The following APP variants were observed in gnomAD, a reference collection of about 807,000 sequenced individuals.
APP encodes the protein amyloid beta precursor protein.
A neutral mutation model predicts 101.4 loss-of-function variants in APP; 31 were observed. The ratio of observed to expected loss-of-function variants is 0.31; its 90% CI spans 0.23 to 0.41. The LOEUF is 0.41. Ranked by LOEUF, APP falls within the 10% of genes least tolerant of loss-of-function variation. The pLI is 1.00. For missense variants in APP, 839 were observed against 1,003.7 expected (o/e 0.84, Z 2.22); for synonymous variants, 366 against 364.4 (o/e 1.00, Z -0.05).
chr21:26,057,086 T>C (rs1180762629), intron 3 of APP, among the ~76,000 whole-genome samples: 2 of 152,232 alleles, frequency 1.3e-5, no homozygotes, highest in East Asian at 1.9e-4. Context: ...CTGTACTTTC[T>C]ACTCAAACTT....
intron 6 of APP, among the ~76,000 whole-genome samples, chr21:26,020,451 TA>T (rs1381428324): frequency 1.3e-5 from 2 of 152,048 alleles, no homozygotes; most frequent in East Asian, 3.9e-4. Context: ...CTTAATAAGG[TA>T]AAAAATGCAA....
intron 13 of APP, among the ~76,000 whole-genome samples, chr21:25,917,803 G>T (rs537559021): frequency 1.3e-5 from 2 of 151,398 alleles, no homozygotes; most frequent in African/African-American, 4.8e-5. Context: ...GAATCTACAA[G>T]GAACTTAAAC....
At chr21:26,034,941 A>G (rs920874517) in intron 5 of APP, among the ~76,000 whole-genome samples, 2 of 152,130 alleles carry the variant, frequency 1.3e-5, no homozygotes, top group African/African-American at 4.8e-5. Context: ...GAATGGAAGT[A>G]AATAGGCTGC....
chr21:26,037,942 A>G (rs2146850678), intron 5 of APP, among the ~76,000 whole-genome samples: 1 of 152,350 alleles, frequency 6.6e-6, no homozygotes, highest in East Asian at 1.9e-4. Context: ...AGTTTAAGAT[A>G]CAATATTTCT....
At position 25,938,907 on chromosome 21, in the gene APP, A is replaced by C. The variant is rs185319126; in HGVS notation, c.1687+15683T>G. Among the ~76,000 whole-genome samples, 48 of 152,280 alleles carry C rather than the reference A, an allele frequency of 3.2e-4. No individual in the cohort carries two copies. In the East Asian group the frequency reaches 9.3e-3, roughly 29 times the overall value. ...TCCGAAGCCTCAAGCCCACATTAAC[A>C]AGGCCTTAGACGACAGTAAACACCC... On this transcript the variant is annotated intron_variant, in intron 13 of 17. Transcript: ENST00000346798.
In APP at chr21:26,059,089, A is replaced by T. The variant is rs150715344; in HGVS notation, c.356-5741T>A. 2.6e-3 allele frequency among the ~76,000 whole-genome samples: 393 copies of T among 152,216 alleles called. 7 individuals carry two copies. In the East Asian group the frequency reaches 0.044, roughly 17 times the overall value. On this transcript the variant is annotated intron_variant, in intron 3 of 17. Transcript: ENST00000346798. ...GAGCGAGACTCCGTCTCAAAAAAAA[A>T]AATAATAATAAAGACATTAAAATAA...
intron 3 of APP, among the ~76,000 whole-genome samples, chr21:26,084,778 T>C (rs1299112279): frequency 6.6e-6 from 1 of 151,460 alleles, no homozygotes; most frequent in African/African-American, 2.5e-5. Context: ...TTGAAGATCG[T>C]ATGAATGAAC....
chr21:26,147,619 T>G (rs1409028747), intron 1 of APP, among the ~76,000 whole-genome samples: 1 of 152,192 alleles, frequency 6.6e-6, no homozygotes, highest in Non-Finnish European at 1.5e-5. Context: ...AAAAAAAATC[T>G]TTTAAATGGC....
chr21:26,023,295 TGAG>T (rs1476268000), intron 5 of APP, among the ~76,000 whole-genome samples: 3 of 149,202 alleles, frequency 2.0e-5, no homozygotes, highest in Non-Finnish European at 4.4e-5. Flanking sequence ...TGTGGAAGGC[TGAG>T]GTGGGAAAAA....
chr21:25,945,380 C>CCT (rs1555900932), intron 13 of APP: 1 of 75,610 alleles, frequency 1.3e-5, no homozygotes, highest in Non-Finnish European at 2.4e-5. Flanking sequence ...GCAATCCGCA[C>CCT]TTTTTTTTTT....
At chr21:25,928,888 G>C (rs1057274009) in intron 13 of APP, 2 of 151,738 alleles carry the variant, frequency 1.3e-5, no homozygotes, top group Admixed American at 6.6e-5. Flanking sequence ...CGCCCGGCTA[G>C]TTTTTGTATT....
chr21:26,011,865 G>A (rs949503392), intron 6 of APP, among the ~76,000 whole-genome samples: 1 of 152,144 alleles, frequency 6.6e-6, no homozygotes, highest in African/African-American at 2.4e-5. Context: ...TGTGATACTT[G>A]CATATTCTGT....
At chr21:26,041,085 C>T (rs999404161) in intron 5 of APP, among the ~76,000 whole-genome samples, 6 of 152,176 alleles carry the variant, frequency 3.9e-5, no homozygotes, top group Non-Finnish European at 7.4e-5. Context: ...AAATTATTTT[C>T]GTAATAATTG....
intron 3 of APP, among the ~76,000 whole-genome samples, chr21:26,072,615 T>C (rs2061427619): frequency 1.3e-5 from 2 of 152,096 alleles, no homozygotes; most frequent in Non-Finnish European, 2.9e-5. Flanking sequence ...GATTCTTACA[T>C]ACTAGTTGTT....
chr21:26,152,177 C>T (rs1398090433), intron 1 of APP, among the ~76,000 whole-genome samples: 3 of 147,758 alleles, frequency 2.0e-5, no homozygotes, highest in East Asian at 2.0e-4. Context: ...CCCAGCTACT[C>T]GGGAGGCTGA....
Position 26,170,630 on chromosome 21 carries a change from G to T in APP, c.-10C>A. On this transcript the variant is annotated 5_prime_UTR_variant, in exon 1 of 18. Coordinates refer to ENST00000346798, the MANE Select transcript of APP (RefSeq NM_000484.4). ...CCAAACCGGGCAGCATCGCGACCCT[G>T]CGCGGGGCACCGAGTGCGCTGCTGT... 2 of 1,533,798 alleles carry T rather than the reference G, an allele frequency of 1.3e-6. No homozygotes were observed. The highest frequency in any genetic ancestry group is 1.7e-6 in the Non-Finnish European group (2 of 1,144,844).
intron 13 of APP, among the ~76,000 whole-genome samples, chr21:25,944,558 C>T (rs9754096): frequency 0.046 from 7,044 of 152,242 alleles, 532 homozygotes; most frequent in African/African-American, 0.16. Context: ...TTCCAAACTC[C>T]GTCTCACATG....
intron 2 of APP, among the ~76,000 whole-genome samples, chr21:26,098,971 T>C (rs1022410869): frequency 1.3e-5 from 2 of 152,220 alleles, no homozygotes; most frequent in Admixed American, 6.5e-5. Flanking sequence ...CATTCCAGAC[T>C]GACTCAGGAA....
chr21:25,948,010 A>G (rs2040901823), intron 13 of APP, among the ~76,000 whole-genome samples: 1 of 151,490 alleles, frequency 6.6e-6, no homozygotes. Flanking sequence ...ATCTCAAAAA[A>G]AAAAAAAAAA....
Sources: allele counts gnomAD v4.1 joint callset (sites outside exome capture counted in the v4.1 genomes callset), GRCh38; gene constraint gnomAD v4.1.1; transcripts MANE v1.5; gene names NCBI Gene and HGNC (gene_info 2026-07-23, HGNC 2026-07-21).